Variants in CYTH1 observed in about 807,000 individuals in gnomAD.
CYTH1 encodes the protein cytohesin-1.
Under a neutral mutation model 61.8 loss-of-function variants are expected in CYTH1, and 18 were observed. That is an observed-to-expected ratio of 0.29 (90% CI 0.20 to 0.43). The LOEUF (loss-of-function observed/expected upper bound fraction) is 0.43. CYTH1 is among the 20% of genes least tolerant of loss of function. The pLI, the probability that CYTH1 is intolerant of heterozygous loss-of-function variation, is 1.00. For missense variants in CYTH1, 336 were observed against 510.5 expected, an observed-to-expected ratio of 0.66 and a Z score of 3.29; for synonymous variants, 174 against 184.3, an observed-to-expected ratio of 0.94 and a Z score of 0.45.
intron 1 of CYTH1, among the ~76,000 whole-genome samples, chr17:78,760,618 GCAA>G (rs1234707668): frequency 7.2e-6 from 1 of 139,414 alleles, no homozygotes; most frequent in East Asian, 2.0e-4. Context: ...TTAAAAGAAA[GCAA>G]CAACATTCTA....
At chr17:78,731,764 A>AC (rs2093295862) in intron 1 of CYTH1, among the ~76,000 whole-genome samples, 1 of 151,682 alleles carries the variant, frequency 6.6e-6, no homozygotes, top group Non-Finnish European at 1.5e-5. Flanking sequence ...TCAAAAAAAA[A>AC]AAAAAAACAA....
chr17:78,713,567 T>G (rs2093155568), intron 1 of CYTH1, among the ~76,000 whole-genome samples: 1 of 151,754 alleles, frequency 6.6e-6, no homozygotes, highest in Admixed American at 6.6e-5. Flanking sequence ...GACTGCTATA[T>G]ACCCTGAGAA....
At chr17:78,728,719 T>C (rs748964032) in intron 1 of CYTH1, among the ~76,000 whole-genome samples, 36 of 152,132 alleles carry the variant, frequency 2.4e-4, no homozygotes, top group Non-Finnish European at 4.3e-4. Context: ...CGTGAGGCTT[T>C]GGTAATTGAA....
In CYTH1 at chr17:78,769,951, G is replaced by A. The variant is rs533345534; in HGVS notation, c.22+12251C>T. ...TGGATCACGAGGTCAGGAGATAGAC[G>A]CCATCCTGGCCAACATGGTGAAACC... On this transcript the variant is annotated intron_variant, in intron 1 of 13. Transcript: ENST00000446868. Among the ~76,000 whole-genome samples the A allele has an allele frequency of 4.7e-4, 72 of 151,940 alleles. 1 individual carries two copies. The highest frequency in any genetic ancestry group is 1.6e-3 in the African/African-American group (65 of 41,436).
At chr17:78,773,396 G>A (rs989075249) in intron 1 of CYTH1, among the ~76,000 whole-genome samples, 12 of 152,080 alleles carry the variant, frequency 7.9e-5, no homozygotes, top group Non-Finnish European at 1.3e-4. Context: ...TTGGGAGGCC[G>A]AGGCGGACGG....
At chr17:78,742,330 G>A (rs1435655141) in intron 1 of CYTH1, among the ~76,000 whole-genome samples, 1 of 152,260 alleles carries the variant, frequency 6.6e-6, no homozygotes, top group Non-Finnish European at 1.5e-5. Context: ...AGGAGGCTGA[G>A]GTGAGAGGAC....
intron 1 of CYTH1, among the ~76,000 whole-genome samples, chr17:78,722,483 G>A (rs747190041): frequency 2.0e-5 from 3 of 152,072 alleles, no homozygotes; most frequent in Non-Finnish European, 2.9e-5. Flanking sequence ...CAGCTTGCTC[G>A]CCCCTCCTCC....
At chr17:78,726,144 C>T (rs768850483) in intron 1 of CYTH1, among the ~76,000 whole-genome samples, 3 of 150,498 alleles carry the variant, frequency 2.0e-5, no homozygotes, top group Non-Finnish European at 3.0e-5. Flanking sequence ...CCCAGGTTCA[C>T]GCCATTCTCC....
chr17:78,758,960 C>T (rs541502298), intron 1 of CYTH1, among the ~76,000 whole-genome samples: 5 of 152,104 alleles, frequency 3.3e-5, no homozygotes, highest in South Asian at 2.1e-4. Context: ...TCGGCATCCA[C>T]GGAGTTATGG....
At chr17:78,687,625 C>T (rs1273084167) in intron 11 of CYTH1, among the ~76,000 whole-genome samples, 1 of 152,158 alleles carries the variant, frequency 6.6e-6, no homozygotes, top group Admixed American at 6.5e-5. Flanking sequence ...GCCCTGGCTC[C>T]GTCTCTCACA....
chr17:78,772,741 T>G lies in CYTH1; in HGVS notation c.22+9461A>C, dbSNP rs576761818. On this transcript the variant is annotated intron_variant, in intron 1 of 13. Coordinates refer to ENST00000446868, the MANE Select transcript of CYTH1 (RefSeq NM_004762.6). ...TTATTAGAGACAGAGTTTCACAATG[T>G]TGGCCAGGATGGTCTCGATCTCTTG... Among the ~76,000 whole-genome samples, 6 of 151,762 alleles carry G rather than the reference T, an allele frequency of 4.0e-5. 1 individual carries two copies. In the South Asian group the frequency reaches 1.3e-3, roughly 32 times the overall value.
In CYTH1 at chr17:78,761,033, A is replaced by G. The variant is rs951455383; in HGVS notation, c.22+21169T>C. Among the ~76,000 whole-genome samples the G allele has an allele frequency of 7.9e-5, 12 of 152,084 alleles. No individual in the cohort carries two copies. The East Asian group carries it at 2.1e-3, about 27-fold the overall frequency. ...GTATTTTTTGTAGAGACAGAGTTTCAACATGTTGGTCAGGCTGGTCTCGAA... is the reference window on the plus strand; with the variant it reads ...GTATTTTTTGTAGAGACAGAGTTTCGACATGTTGGTCAGGCTGGTCTCGAA... On this transcript the variant is annotated intron_variant, in intron 1 of 13. Coordinates refer to ENST00000446868, the MANE Select transcript of CYTH1 (RefSeq NM_004762.6).
chr17:78,766,938 T>C (rs567754837), intron 1 of CYTH1, among the ~76,000 whole-genome samples: 16 of 152,212 alleles, frequency 1.1e-4, no homozygotes, highest in Non-Finnish European at 1.5e-4. Flanking sequence ...GCTATGTCCC[T>C]TTAGAATCTC....
intron 1 of CYTH1, among the ~76,000 whole-genome samples, chr17:78,777,733 TC>T (rs1313344942): frequency 1.3e-5 from 2 of 150,696 alleles, no homozygotes; most frequent in African/African-American, 4.9e-5. Context: ...ACACCTGTAA[TC>T]CCAGCACTTT....
At chr17:78,754,103 T>G (rs1485602798) in intron 1 of CYTH1, among the ~76,000 whole-genome samples, 1 of 152,002 alleles carries the variant, frequency 6.6e-6, no homozygotes, top group Non-Finnish European at 1.5e-5. Context: ...ACATTGTGTG[T>G]CAGGACCGTC....
intron 1 of CYTH1, among the ~76,000 whole-genome samples, chr17:78,763,829 G>A (rs1177956860): frequency 3.3e-5 from 5 of 152,180 alleles, no homozygotes; most frequent in Non-Finnish European, 7.3e-5. Context: ...ACATAGAATA[G>A]GCCAGGCGCA....
intron 1 of CYTH1, among the ~76,000 whole-genome samples, chr17:78,760,557 G>GTGTATA (rs1275840399): frequency 8.9e-5 from 2 of 22,482 alleles, no homozygotes; most frequent in Non-Finnish European, 1.7e-4. Flanking sequence ...ATATATATAT[G>GTGTATA]TATATATATA....
Position 78,713,654 on chromosome 17 carries a change from G to C in CYTH1, c.23-3922C>G, listed in dbSNP as rs972242577. On this transcript the variant is annotated intron_variant, in intron 1 of 13. Coordinates refer to ENST00000446868, the MANE Select transcript of CYTH1 (RefSeq NM_004762.6). ...AGAATCTGAGCACTCAACCATTCTG[G>C]GTTTAATATTCACACATGACAATTT... Among the ~76,000 whole-genome samples, 5 of 144,050 alleles carry C rather than the reference G, an allele frequency of 3.5e-5. 1 individual carries two copies. The highest frequency in any genetic ancestry group is 1.3e-4 in the African/African-American group (5 of 37,706). The allele number at this position is 144,050 out of a possible 152,430, so 94.5% of individuals were successfully genotyped here.
chr17:78,689,448 A>G (rs1281481522), intron 11 of CYTH1, among the ~76,000 whole-genome samples: 2 of 152,128 alleles, frequency 1.3e-5, no homozygotes, highest in Non-Finnish European at 2.9e-5. Flanking sequence ...ACAATTTACA[A>G]TAGGGTTCGT....
Sources: allele counts gnomAD v4.1 joint callset (sites outside exome capture counted in the v4.1 genomes callset), GRCh38; gene constraint gnomAD v4.1.1; transcripts MANE v1.5; gene names NCBI Gene and HGNC (gene_info 2026-07-23, HGNC 2026-07-21).